GREB1L: variants seen among roughly 807,000 people sequenced by gnomAD.
The protein encoded by GREB1L is GREB1 like retinoic acid receptor coactivator.
In GREB1L, 17 loss-of-function variants were observed where a neutral mutation model predicts 200.8. The observed-to-expected ratio is 0.08, with a 90% CI of 0.06 to 0.13. The LOEUF (loss-of-function observed/expected upper bound fraction) is 0.13, where lower values mean the gene tolerates loss of function less well. Ranked by LOEUF, GREB1L falls within the 10% of genes least tolerant of loss-of-function variation. The pLI is 1.00. For synonymous variants in GREB1L, 789 were observed against 893.0 expected (o/e 0.88, Z 2.08); for missense variants, 1,657 against 2,367.7 (o/e 0.70, Z 6.23).
chr18:21,434,339 G>A (rs1323173018), intron 7 of GREB1L, among the ~76,000 whole-genome samples: 2 of 151,894 alleles, frequency 1.3e-5, no homozygotes, highest in Admixed American at 1.3e-4. Context: ...AGCTGGGCGT[G>A]GTGGCGTGCA....
intron 2 of GREB1L, among the ~76,000 whole-genome samples, chr18:21,372,578 C>T (rs1045312925): frequency 6.6e-6 from 1 of 151,980 alleles, no homozygotes; most frequent in Non-Finnish European, 1.5e-5. Context: ...CCAGTGTGGC[C>T]GAAGATGGCT....
chr18:21,496,404 T>G (rs751616729), intron 20 of GREB1L, 50 bp from the exon 21 acceptor site: 1 of 1,544,498 alleles, frequency 6.5e-7, no homozygotes. Flanking sequence ...ACATACACAC[T>G]GCGTGCCTGG....
chr18:21,293,682 C>G (rs9960440), intron 1 of GREB1L, among the ~76,000 whole-genome samples: 2,149 of 152,312 alleles, frequency 0.014, 50 homozygotes, highest in African/African-American at 0.049. Context: ...TATAGTCACT[C>G]ATTTACAAAG....
intron 27 of GREB1L, among the ~76,000 whole-genome samples, chr18:21,510,086 C>T (rs774978215): frequency 1.3e-5 from 2 of 151,540 alleles, no homozygotes; most frequent in East Asian, 1.9e-4. Context: ...TGGTGGTGTG[C>T]GCCTGTAATA....
At chr18:21,296,966 GGTATA>G (rs1306198884) in intron 1 of GREB1L, among the ~76,000 whole-genome samples, 1 of 152,002 alleles carries the variant, frequency 6.6e-6, no homozygotes, top group Non-Finnish European at 1.5e-5. Context: ...ATTGATCTAA[GGTATA>G]GCTTGAGCAT....
intron 1 of GREB1L, among the ~76,000 whole-genome samples, chr18:21,328,010 G>C (rs991777673): frequency 7.9e-5 from 12 of 152,108 alleles, no homozygotes; most frequent in Non-Finnish European, 1.8e-4. Context: ...CACAGCGCCC[G>C]GCCAACCCCA....
At chr18:21,248,117 TA>T (rs928686069) in intron 1 of GREB1L, among the ~76,000 whole-genome samples, 1 of 152,204 alleles carries the variant, frequency 6.6e-6, no homozygotes, top group Non-Finnish European at 1.5e-5. Context: ...TTAATCTCTC[TA>T]AATTTAATTC....
intron 1 of GREB1L, among the ~76,000 whole-genome samples, chr18:21,298,786 T>C (rs1310355424): frequency 6.6e-6 from 1 of 152,014 alleles, no homozygotes; most frequent in African/African-American, 2.4e-5. Flanking sequence ...ATGTAAAAAT[T>C]AGCTGGGTAT....
rs186330922 is a variant in GREB1L, at chr18:21,443,759, C to T, written c.1208-465C>T. Among the ~76,000 whole-genome samples the T allele has an allele frequency of 1.0e-3, 158 of 152,272 alleles. 2 individuals are homozygous for T. The highest frequency in any genetic ancestry group is 1.1e-3 in the Non-Finnish European group (77 of 68,032). Reference sequence around the variant, plus strand: ...TATCAAATCGAATATCCTCAAGTCCCTCATATAAAATGGCACAGTATTTGC... The same window carrying T: ...TATCAAATCGAATATCCTCAAGTCCTTCATATAAAATGGCACAGTATTTGC... On this transcript the variant is annotated intron_variant, in intron 10 of 32. Coordinates refer to ENST00000424526, the MANE Select transcript of GREB1L (RefSeq NM_001142966.3).
At chr18:21,382,708 C>T (rs2040372994) in intron 2 of GREB1L, among the ~76,000 whole-genome samples, 1 of 151,972 alleles carries the variant, frequency 6.6e-6, no homozygotes, top group East Asian at 1.9e-4. Flanking sequence ...CCAGGCTGGT[C>T]GCAATCTCCT....
At chr18:21,339,641 G>A (rs577146019) in intron 1 of GREB1L, among the ~76,000 whole-genome samples, 1 of 152,294 alleles carries the variant, frequency 6.6e-6, no homozygotes, top group South Asian at 2.1e-4. Flanking sequence ...ATCTCATAAT[G>A]TCATTATAAG....
intron 14 of GREB1L, 139 bp downstream of exon 14, chr18:21,452,356 T>C: frequency 1.2e-6 from 1 of 805,844 alleles, no homozygotes; most frequent in Non-Finnish European, 1.9e-6. Context: ...ATGATAAACC[T>C]GGTTGAAATT....
chr18:21,343,478 G>T (rs1199595424), intron 1 of GREB1L, among the ~76,000 whole-genome samples: 5 of 152,116 alleles, frequency 3.3e-5, no homozygotes, highest in South Asian at 2.1e-4. Context: ...TGGTTTAAAG[G>T]TCTCCCAAAG....
intron 2 of GREB1L, among the ~76,000 whole-genome samples, chr18:21,371,658 C>T (rs1321601074): frequency 6.6e-6 from 1 of 151,508 alleles, no homozygotes; most frequent in Non-Finnish European, 1.5e-5. Flanking sequence ...GTGGCGGGCG[C>T]CTGTAGTCGC....
At chr18:21,348,129 T>G (rs999561782) in intron 1 of GREB1L, among the ~76,000 whole-genome samples, 6 of 151,738 alleles carry the variant, frequency 4.0e-5, no homozygotes, top group African/African-American at 1.5e-4. Context: ...GTATTTTTAT[T>G]AGAGACGGGG....
At chr18:21,307,372 T>C (rs1391168634) in intron 1 of GREB1L, among the ~76,000 whole-genome samples, 4 of 152,234 alleles carry the variant, frequency 2.6e-5, no homozygotes, top group Non-Finnish European at 5.9e-5. Flanking sequence ...TCACTGTTTC[T>C]CTGTTATTTG....
chr18:21,441,423 C>G lies in GREB1L; in HGVS notation c.1093C>G (p.Pro365Ala). The G allele has an allele frequency of 6.5e-7, 1 of 1,549,412 alleles. No individual in the cohort carries two copies. The highest frequency in any genetic ancestry group is 8.7e-7 in the Non-Finnish European group (1 of 1,146,304). Residue 365 changes from proline to alanine, a missense_variant, in exon 10 of 33, where the codon CCA becomes GCA. Transcript: ENST00000424526. ...RTEPLLSAPV[P>A]QTPLTGILQP... is the part of the protein sequence containing the mutation. ...AGAGCCCCTTTTATCTGCCCCAGTT[C>G]CACAGACCCCACTAACTGGAATTTT...
At chr18:21,383,907 G>A (rs557843083) in intron 3 of GREB1L, among the ~76,000 whole-genome samples, 6 of 151,904 alleles carry the variant, frequency 3.9e-5, no homozygotes, top group Non-Finnish European at 8.8e-5. Context: ...TTAAAGACAG[G>A]ATTTCACCAT....
rs2033776785 is a variant in GREB1L at position 21,439,578 on chromosome 18, C to T, written c.890C>T (p.Pro297Leu). 2 of 1,551,890 alleles carry T rather than the reference C, an allele frequency of 1.3e-6. No homozygotes were observed. The highest frequency in any genetic ancestry group is 2.0e-5 in the Admixed American group (1 of 50,974). ...GGKGSASSSTPAHTGNYSLSP... is the reference protein window; with the variant it reads ...GGKGSASSSTLAHTGNYSLSP... ...AAGGGCAGTGCATCCAGCTCCACTC[C>T]AGCCCACACAGGGAATTACTCTTTG... The change falls in exon 8 of 33, where the codon CCA (proline) becomes CTA (leucine). Residue 297 changes from proline (P) to leucine (L), a missense_variant. Coordinates refer to ENST00000424526, the MANE Select transcript of GREB1L (RefSeq NM_001142966.3).
Sources: gnomAD v4.1 joint callset for allele counts (sites outside exome capture counted in the v4.1 genomes callset) on GRCh38, gnomAD v4.1.1 for gene constraint, MANE v1.5 for transcripts, NCBI Gene and HGNC (gene_info 2026-07-23, HGNC 2026-07-21) for gene names.